IL1RAPL2: variants seen among roughly 807,000 people sequenced by gnomAD.
IL1RAPL2 encodes the protein interleukin 1 receptor accessory protein like 2.
Under a neutral mutation model 44.1 loss-of-function variants are expected in IL1RAPL2, and 3 were observed. The ratio of observed to expected loss-of-function variants is 0.07; its 90% CI spans 0.03 to 0.18. The LOEUF is 0.18. Among genes scored for constraint, IL1RAPL2 ranks in the 10% least tolerant of loss-of-function variants. The pLI, the probability that IL1RAPL2 is intolerant of heterozygous loss-of-function variation, is 1.00. For synonymous variants in IL1RAPL2, 181 were observed against 178.8 expected, an observed-to-expected ratio of 1.01 and a Z score of -0.10; for missense variants, 391 against 496.4, an observed-to-expected ratio of 0.79 and a Z score of 2.02.
At chrX:105,474,263 T>C (rs986799809) in intron 5 of IL1RAPL2, among the ~76,000 whole-genome samples, 1 of 111,300 alleles carries the variant, frequency 9.0e-6, no homozygotes, top group African/African-American at 3.3e-5. Context: ...CTCTAGAAGG[T>C]AGAAAAGGAA....
Position 104,634,874 on chromosome X carries a change from A to G in IL1RAPL2, c.-19-24021A>G, listed in dbSNP as rs183452883. ...GTTAATATTATTATTTGTGAATTTG[A>G]TCCTGTCATTATGATGTTAGCTGGT... On this transcript the variant is annotated intron_variant, in intron 1 of 10. Coordinates refer to ENST00000372582, the MANE Select transcript of IL1RAPL2 (RefSeq NM_017416.2). Among the ~76,000 whole-genome samples, 652 of 111,473 alleles carry G rather than the reference A, an allele frequency of 5.8e-3. 2 individuals carry two copies. The highest frequency in any genetic ancestry group is 0.019 in the African/African-American group (596 of 30,629).
At chrX:105,552,956 A>G (rs6621978) in intron 6 of IL1RAPL2, among the ~76,000 whole-genome samples, 54,827 of 110,944 alleles carry the variant, frequency 0.49, 10,394 homozygotes, top group East Asian at 0.79. Flanking sequence ...ATTTTCCAAT[A>G]TCATATTATC....
chrX:105,500,978 T>C (rs1313339434), intron 6 of IL1RAPL2, among the ~76,000 whole-genome samples: 1 of 111,887 alleles, frequency 8.9e-6, no homozygotes, highest in Admixed American at 9.5e-5. Flanking sequence ...TGAATTATCC[T>C]GTCCCAGCAT....
chrX:105,247,603 ATG>A (rs10588244), intron 4 of IL1RAPL2, among the ~76,000 whole-genome samples: 7,376 of 94,776 alleles, frequency 0.078, 304 homozygotes, highest in Admixed American at 0.11. Context: ...ATATATATAT[ATG>A]TGTGTGTGTG....
intron 7 of IL1RAPL2, among the ~76,000 whole-genome samples, chrX:105,733,851 G>A (rs1021658099): frequency 4.5e-5 from 5 of 111,393 alleles, no homozygotes; most frequent in Non-Finnish European, 9.4e-5. Context: ...CAAACTGTGG[G>A]GATTTTTTGT....
intron 4 of IL1RAPL2, among the ~76,000 whole-genome samples, chrX:105,239,288 C>T (rs2034148703): frequency 8.9e-6 from 1 of 111,875 alleles, no homozygotes; most frequent in Non-Finnish European, 1.9e-5. Context: ...GTTGTGTAAC[C>T]ATAGCCTTTA....
At chrX:105,123,804 A>G (rs1219615902) in intron 2 of IL1RAPL2, among the ~76,000 whole-genome samples, 1 of 110,942 alleles carries the variant, frequency 9.0e-6, no homozygotes, top group African/African-American at 3.3e-5. Context: ...TACATTTATC[A>G]ACGTTCTCTT....
intron 2 of IL1RAPL2, among the ~76,000 whole-genome samples, chrX:104,826,938 C>CTTTTTTTT (rs1176113214): frequency 2.3e-4 from 8 of 34,848 alleles, no homozygotes; most frequent in East Asian, 9.9e-4. Context: ...GCAACCCCTG[C>CTTTTTTTT]TTTTTTTTTT....
intron 2 of IL1RAPL2, among the ~76,000 whole-genome samples, chrX:105,004,317 A>G (rs2030903613): frequency 1.8e-5 from 2 of 110,991 alleles, no homozygotes. Flanking sequence ...GAAGAGGTCA[A>G]AGCTGGCAGT....
chrX:104,715,907 A>G (rs186634781), intron 2 of IL1RAPL2, among the ~76,000 whole-genome samples: 35 of 111,150 alleles, frequency 3.1e-4, no homozygotes, highest in African/African-American at 1.1e-3. Flanking sequence ...ACAACCACTG[A>G]CATTCTTTAC....
chrX:105,740,681 G>A lies in IL1RAPL2; in HGVS notation c.1038G>A (p.Leu346=). 8.3e-7 allele frequency: 1 copy of A among 1,204,573 alleles called. No homozygotes were observed. Among genetic ancestry groups the A allele is most frequent in the Non-Finnish European group, 1.1e-6 (1 of 891,114 alleles). The change falls in exon 8 of 11, where the codon CTG becomes CTA. Residue 346 remains leucine (L), a synonymous_variant. Coordinates refer to ENST00000372582, the MANE Select transcript of IL1RAPL2 (RefSeq NM_017416.2). ...RNGRKHASVL[L]RKKDLIYKIE... is the part of the protein sequence containing the mutation. ...GACGGAAACATGCCAGTGTTTTGCT[G>A]CGTAAAAAGGGTATTTATTTTTATA...
chrX:105,154,778 C>A (rs1311054491), intron 2 of IL1RAPL2, among the ~76,000 whole-genome samples: 4 of 110,622 alleles, frequency 3.6e-5, no homozygotes, highest in South Asian at 3.9e-4. Flanking sequence ...CAGTGAATAC[C>A]TCTGAGCAGC....
At chrX:104,636,945 G>A (rs1039100973) in intron 1 of IL1RAPL2, among the ~76,000 whole-genome samples, 1 of 111,553 alleles carries the variant, frequency 9.0e-6, no homozygotes, top group Non-Finnish European at 1.9e-5. Flanking sequence ...CACTCTGGGA[G>A]CTGTAGACTG....
chrX:105,713,260 C>T (rs1366109193), intron 6 of IL1RAPL2, among the ~76,000 whole-genome samples: 1 of 111,686 alleles, frequency 9.0e-6, no homozygotes, highest in Non-Finnish European at 1.9e-5. Context: ...CCCACATTTC[C>T]CTTCCACACT....
At chrX:105,139,882 G>A (rs1191801249) in intron 2 of IL1RAPL2, among the ~76,000 whole-genome samples, 2 of 112,044 alleles carry the variant, frequency 1.8e-5, no homozygotes, top group African/African-American at 6.5e-5. Flanking sequence ...TTTTAAACAT[G>A]ATGCATATTG....
At chrX:104,648,027 C>T in intron 1 of IL1RAPL2, 1 of 550,959 alleles carries the variant, frequency 1.8e-6, no homozygotes, top group Admixed American at 2.6e-5. Flanking sequence ...CCCTCTCACA[C>T]CTGCTTCCAC....
chrX:105,680,963 C>T (rs773561411), intron 6 of IL1RAPL2, among the ~76,000 whole-genome samples: 16 of 111,807 alleles, frequency 1.4e-4, no homozygotes, highest in Middle Eastern at 4.6e-3. Flanking sequence ...TGGATAGCCA[C>T]GTAGAAATGT....
chrX:104,686,176 G>T (rs1455742634), intron 2 of IL1RAPL2, among the ~76,000 whole-genome samples: 2 of 110,815 alleles, frequency 1.8e-5, no homozygotes, highest in Non-Finnish European at 3.8e-5. Flanking sequence ...TAAGTTTAAA[G>T]GGTACCACCA....
intron 6 of IL1RAPL2, among the ~76,000 whole-genome samples, chrX:105,572,304 G>C (rs1328461354): frequency 8.9e-6 from 1 of 111,921 alleles, no homozygotes. Flanking sequence ...CAAATCCAAT[G>C]AAGCAAAGAA....
Sources: allele counts gnomAD v4.1 joint callset (sites outside exome capture counted in the v4.1 genomes callset), GRCh38; gene constraint gnomAD v4.1.1; transcripts MANE v1.5; gene names NCBI Gene and HGNC (gene_info 2026-07-23, HGNC 2026-07-21).